The following DPYD variants were observed in gnomAD, a reference collection of about 807,000 sequenced individuals.
DPYD encodes the protein dihydropyrimidine dehydrogenase [NADP(+)].
DPYD carries 109 observed loss-of-function variants against 116.2 expected under a neutral mutation model. That is an observed-to-expected ratio of 0.94 (90% CI 0.80 to 1.10). DPYD has a LOEUF of 1.10. Among genes scored for constraint, DPYD ranks in the 50% least tolerant of loss-of-function variants. DPYD has a pLI of 0.00. For missense variants in DPYD, 1,302 were observed against 1,254.5 expected, an observed-to-expected ratio of 1.04 and a Z score of -0.57; for synonymous variants, 440 against 432.0, an observed-to-expected ratio of 1.02 and a Z score of -0.23.
chr1:97,686,375 GCCTGTAATCCCAGCA>G (rs1380363885), intron 7 of DPYD, among the ~76,000 whole-genome samples: 36 of 151,924 alleles, frequency 2.4e-4, no homozygotes, highest in Admixed American at 2.2e-3. Flanking sequence ...GGTGGCTCAC[GCCTGTAATCCCAGCA>G]CTTTGGGAGG....
chr1:97,466,209 G>A (rs1046426032), intron 13 of DPYD, among the ~76,000 whole-genome samples: 19 of 152,050 alleles, frequency 1.2e-4, no homozygotes, highest in African/African-American at 2.9e-4. Flanking sequence ...GGATATATAC[G>A]CAAAATATTC....
At chr1:97,597,724 G>A (rs1310100596) in intron 8 of DPYD, among the ~76,000 whole-genome samples, 6 of 152,162 alleles carry the variant, frequency 3.9e-5, no homozygotes, top group African/African-American at 1.4e-4. Flanking sequence ...TCTTAAGTCT[G>A]CACAATCAGC....
At chr1:97,285,878 CA>C (rs2100955835) in intron 18 of DPYD, among the ~76,000 whole-genome samples, 1 of 152,178 alleles carries the variant, frequency 6.6e-6, no homozygotes, top group East Asian at 1.9e-4. Context: ...TGTCCAATCA[CA>C]AACCTAAATT....
chr1:97,446,773 TA>T (rs1676108476), intron 14 of DPYD, among the ~76,000 whole-genome samples: 1 of 152,130 alleles, frequency 6.6e-6, no homozygotes, highest in Non-Finnish European at 1.5e-5. Flanking sequence ...ACATGATTCA[TA>T]AGGCGTTTGC....
At chr1:97,443,227 T>C (rs958198315) in intron 14 of DPYD, among the ~76,000 whole-genome samples, 5 of 152,190 alleles carry the variant, frequency 3.3e-5, no homozygotes, top group Non-Finnish European at 1.5e-5. Flanking sequence ...ACTACTATTA[T>C]GATATATTCT....
intron 4 of DPYD, among the ~76,000 whole-genome samples, chr1:97,731,992 T>C (rs1470106489): frequency 6.6e-6 from 1 of 152,180 alleles, no homozygotes; most frequent in Non-Finnish European, 1.5e-5. Context: ...ACTCGTTTCA[T>C]ATAAAACTGG....
intron 8 of DPYD, among the ~76,000 whole-genome samples, chr1:97,644,604 T>A (rs910986663): frequency 6.6e-6 from 1 of 151,012 alleles, no homozygotes; most frequent in Non-Finnish European, 1.5e-5. Context: ...AGCTTGTTTT[T>A]TGTTTTTTGT....
intron 8 of DPYD, among the ~76,000 whole-genome samples, chr1:97,652,764 GC>G (rs1557862446): frequency 6.6e-6 from 1 of 151,996 alleles, no homozygotes; most frequent in African/African-American, 2.4e-5. Flanking sequence ...AAACTCAGAT[GC>G]TTTTTCACTG....
intron 16 of DPYD, among the ~76,000 whole-genome samples, chr1:97,323,840 G>A (rs1668565270): frequency 6.6e-6 from 1 of 151,168 alleles, no homozygotes; most frequent in South Asian, 2.1e-4. Flanking sequence ...CCTATTTGCA[G>A]GAAATTTAAA....
chr1:97,572,312 A>G (rs1235980061), intron 11 of DPYD, among the ~76,000 whole-genome samples: 3 of 151,932 alleles, frequency 2.0e-5, no homozygotes, highest in African/African-American at 7.2e-5. Context: ...ACACAAATAC[A>G]CATGCCTGCG....
rs1335795091 is a variant in DPYD, at chr1:97,134,013, AAATATATATATATATATATAT to A, written c.2623-35402_2623-35382del. Among the ~76,000 whole-genome samples, 129 of 18,802 alleles carry A rather than the reference AAATATATATATATATATATAT, an allele frequency of 6.9e-3. 14 individuals carry two copies. The highest frequency in any genetic ancestry group is 7.3e-3 in the Non-Finnish European group (71 of 9,748). The allele number at this position is 18,802 out of a possible 152,430, so 12.3% of individuals were successfully genotyped here. A position where few individuals can be genotyped will look rare whatever the true frequency, so the allele number is the denominator to read the frequency against. ...GACTCTGTTTCAAAAAAAAAAAAAA[AAATATATATATATATATATAT>A]ATATATATATATATATATATATATA... On this transcript the variant is annotated intron_variant, in intron 20 of 22. Coordinates refer to ENST00000370192, the MANE Select transcript of DPYD (RefSeq NM_000110.4).
intron 3 of DPYD, among the ~76,000 whole-genome samples, chr1:97,806,371 T>A (rs1423782044): frequency 6.6e-6 from 1 of 151,884 alleles, no homozygotes; most frequent in Non-Finnish European, 1.5e-5. Flanking sequence ...AATAGTATGT[T>A]ACTGTCGTTT....
At chr1:97,102,537 A>G (rs1403918656) in intron 20 of DPYD, among the ~76,000 whole-genome samples, 1 of 149,830 alleles carries the variant, frequency 6.7e-6, no homozygotes, top group Non-Finnish European at 1.5e-5. Context: ...GTGTGTCTAT[A>G]CAACTGACAG....
chr1:97,902,758 C>G (rs766813545), intron 1 of DPYD, among the ~76,000 whole-genome samples: 1 of 151,698 alleles, frequency 6.6e-6, no homozygotes, highest in Non-Finnish European at 1.5e-5. Context: ...TTATTTTAGA[C>G]ACAGAATATT....
Position 97,594,997 on chromosome 1 carries a change from A to G in DPYD, c.958+62T>C. 3.8e-6 allele frequency: 5 copies of G among 1,315,072 alleles called. No homozygotes were observed. The South Asian group carries it at 5.9e-5, about 16-fold the overall frequency. 81.5% of individuals were successfully genotyped at this position (1,315,072 alleles called of 1,614,324 possible). A position where few individuals can be genotyped will look rare whatever the true frequency, so the allele number is the denominator to read the frequency against. On this transcript the variant is annotated intron_variant, in intron 9 of 22. Coordinates refer to ENST00000370192, the MANE Select transcript of DPYD (RefSeq NM_000110.4). ...ATGTGCTGCTGAGCTTGATTTTGAT[A>G]TTAATTTATCATAAATAAAATAGCA...
chr1:97,364,954 T>C (rs1243314065), intron 16 of DPYD, among the ~76,000 whole-genome samples: 2 of 152,320 alleles, frequency 1.3e-5, no homozygotes, highest in East Asian at 1.9e-4. Context: ...CATAAAAGAC[T>C]GACTACCTCA....
chr1:97,597,417 C>T (rs1000949422), intron 8 of DPYD, among the ~76,000 whole-genome samples: 1 of 152,224 alleles, frequency 6.6e-6, no homozygotes, highest in Non-Finnish European at 1.5e-5. Flanking sequence ...TGTCACTAGA[C>T]AGACTTTGGT....
intron 14 of DPYD, 38 bp from the exon 15 acceptor site, chr1:97,382,499 G>T: frequency 7.8e-7 from 1 of 1,286,170 alleles, no homozygotes; most frequent in Non-Finnish European, 1.1e-6. Context: ...AGTTCAAGTA[G>T]TTATCCAGTT....
chr1:97,325,957 A>C (rs1314828103), intron 16 of DPYD, among the ~76,000 whole-genome samples: 1 of 151,786 alleles, frequency 6.6e-6, no homozygotes, highest in Non-Finnish European at 1.5e-5. Context: ...GGCAATAAGA[A>C]AACATGGAAG....
Sources: gnomAD v4.1 joint callset for allele counts (sites outside exome capture counted in the v4.1 genomes callset) on GRCh38, gnomAD v4.1.1 for gene constraint, MANE v1.5 for transcripts, NCBI Gene and HGNC (gene_info 2026-07-23, HGNC 2026-07-21) for gene names.